Variants in WASHC4 observed in about 807,000 individuals in gnomAD.
The protein encoded by WASHC4 is WASH complex subunit 4.
Under a neutral mutation model 166.6 loss-of-function variants are expected in WASHC4, and 86 were observed. That is an observed-to-expected ratio of 0.52 (90% CI 0.43 to 0.62). The LOEUF (loss-of-function observed/expected upper bound fraction) is 0.62, where lower values mean the gene tolerates loss of function less well. WASHC4 is among the 20% of genes least tolerant of loss of function. The pLI is 0.00. For synonymous variants in WASHC4, 446 were observed against 451.6 expected (o/e 0.99, Z 0.16); for missense variants, 1,262 against 1,382.4 (o/e 0.91, Z 1.38).
chr12:105,112,374 T>C (rs1245933779), intron 2 of WASHC4, among the ~76,000 whole-genome samples: 1 of 152,194 alleles, frequency 6.6e-6, no homozygotes, highest in Admixed American at 6.5e-5. Context: ...TGTGTAGACA[T>C]ATATAAGTAT....
rs1218224151 is a variant in WASHC4 at position 105,168,728 on chromosome 12, C to G, written c.*1797C>G. ...TTTCCTTTAGGTCAAAATAATGTCACTGCTATCTGGATAAATTATAAGTTC... is the reference window on the plus strand; with the variant it reads ...TTTCCTTTAGGTCAAAATAATGTCAGTGCTATCTGGATAAATTATAAGTTC... On this transcript the variant is annotated 3_prime_UTR_variant, in exon 33 of 33. Transcript: ENST00000332180. 2 of 151,838 alleles carry G rather than the reference C, an allele frequency of 1.3e-5. No homozygotes were observed. Among genetic ancestry groups the G allele is most frequent in the Non-Finnish European group, 2.9e-5 (2 of 67,926 alleles). The allele number at this position is 151,838 out of a possible 1,614,324, so 9.4% of individuals were successfully genotyped here. A position where few individuals can be genotyped will look rare whatever the true frequency, so the allele number is the denominator to read the frequency against.
chr12:105,156,661 C>G, intron 26 of WASHC4, 65 bp from the exon 27 acceptor site: 2 of 1,324,548 alleles, frequency 1.5e-6, no homozygotes, highest in Admixed American at 1.7e-5. Flanking sequence ...CTGTATGTAA[C>G]TATATTCCTA....
intron 14 of WASHC4, among the ~76,000 whole-genome samples, chr12:105,134,674 A>G (rs1368014358): frequency 6.6e-6 from 1 of 151,902 alleles, no homozygotes; most frequent in Non-Finnish European, 1.5e-5. Context: ...TCTGCATGGT[A>G]TTATCTTTTT....
chr12:105,141,431 A>G (rs1160706869), intron 18 of WASHC4, among the ~76,000 whole-genome samples, 185 bp downstream of exon 18: 1 of 152,234 alleles, frequency 6.6e-6, no homozygotes, highest in Non-Finnish European at 1.5e-5. Flanking sequence ...CTTTGCTTCT[A>G]CAGGAAGCAT....
chr12:105,113,339 C>A (rs1372433436), intron 2 of WASHC4, among the ~76,000 whole-genome samples: 1 of 151,890 alleles, frequency 6.6e-6, no homozygotes, highest in South Asian at 2.1e-4. Flanking sequence ...ATTATAAAAT[C>A]TGTTTTTTTT....
Position 105,168,347 on chromosome 12 carries a change from G to A in WASHC4, c.*1416G>A, listed in dbSNP as rs1322544058. Reference sequence around the variant, plus strand: ...CTTACAGAATTATGAACAGTGGATAGATTAAAGGCATTTAATATTTGTAAT... The same window carrying A: ...CTTACAGAATTATGAACAGTGGATAAATTAAAGGCATTTAATATTTGTAAT... On this transcript the variant is annotated 3_prime_UTR_variant, in exon 33 of 33. Transcript: ENST00000332180. 1 of 152,448 alleles carries A rather than the reference G, an allele frequency of 6.6e-6. No homozygotes were observed. Among genetic ancestry groups the A allele is most frequent in the Non-Finnish European group, 1.5e-5 (1 of 67,930 alleles). The allele number at this position is 152,448 out of a possible 1,614,324, so 9.4% of individuals were successfully genotyped here.
At chr12:105,152,257 G>A (rs1017866159) in intron 25 of WASHC4, 86 bp from the exon 26 acceptor site, 22 of 725,148 alleles carry the variant, frequency 3.0e-5, no homozygotes, top group Non-Finnish European at 4.6e-5. Context: ...AAATTGAAAG[G>A]AGAGTAGTAT....
chr12:105,114,884 T>A (rs1592842605), intron 4 of WASHC4, among the ~76,000 whole-genome samples: 1 of 152,170 alleles, frequency 6.6e-6, no homozygotes, highest in East Asian at 1.9e-4. Flanking sequence ...CTTCTCCTGC[T>A]TTTTGATACC....
chr12:105,114,505 G>A, intron 4 of WASHC4, 78 bp downstream of exon 4: 1 of 906,746 alleles, frequency 1.1e-6, no homozygotes, highest in Non-Finnish European at 1.7e-6. Flanking sequence ...TGTACAGTGT[G>A]CAATAAATAT....
chr12:105,116,371 A>C (rs773952739), intron 6 of WASHC4, among the ~76,000 whole-genome samples: 18 of 152,162 alleles, frequency 1.2e-4, no homozygotes, highest in Non-Finnish European at 2.6e-4. Flanking sequence ...CAAATCTTTT[A>C]TATCTTTACT....
chr12:105,121,431 T>A (rs1342220660), intron 9 of WASHC4, among the ~76,000 whole-genome samples: 1 of 152,214 alleles, frequency 6.6e-6, no homozygotes, highest in Non-Finnish European at 1.5e-5. Context: ...CTAATTCTTA[T>A]AGTAGTAGAA....
At chr12:105,115,828 G>A in intron 6 of WASHC4, 100 bp downstream of exon 6, 1 of 778,986 alleles carries the variant, frequency 1.3e-6, no homozygotes, top group South Asian at 1.4e-5. Flanking sequence ...CTAAAGATGT[G>A]TACTCTGAGG....
chr12:105,155,460 A>G (rs1592914349), intron 26 of WASHC4, among the ~76,000 whole-genome samples: 1 of 146,744 alleles, frequency 6.8e-6, no homozygotes, highest in Admixed American at 6.9e-5. Flanking sequence ...AGGGCATGCT[A>G]TCTGAACAGT....
rs1486696399 is a variant in WASHC4 at position 105,168,382 on chromosome 12, C to T, written c.*1451C>T. 8 of 152,552 alleles carry T rather than the reference C, an allele frequency of 5.2e-5. No homozygotes were observed. In the East Asian group the frequency reaches 1.5e-3, roughly 29 times the overall value. 9.4% of individuals were successfully genotyped at this position (152,552 alleles called of 1,614,324 possible). A position where few individuals can be genotyped will look rare whatever the true frequency, so the allele number is the denominator to read the frequency against. On this transcript the variant is annotated 3_prime_UTR_variant, in exon 33 of 33. Coordinates refer to ENST00000332180, the MANE Select transcript of WASHC4 (RefSeq NM_015275.3). Reference sequence around the variant, plus strand: ...ATTTAATATTTGTAATTCATAATAACTGTAGAAATGGCCCTAAAGCATGCT... The same window carrying T: ...ATTTAATATTTGTAATTCATAATAATTGTAGAAATGGCCCTAAAGCATGCT...
rs549037837 is a variant in WASHC4, at chr12:105,116,980, T to C, written c.435+1252T>C. ...CTGGCTTCTTTTCCAGCAAGGTGTC[T>C]AAAAAATGTAGTTGGTAAGGTCCCA... On this transcript the variant is annotated intron_variant, in intron 6 of 32. Coordinates refer to ENST00000332180, the MANE Select transcript of WASHC4 (RefSeq NM_015275.3). Among the ~76,000 whole-genome samples the C allele has an allele frequency of 1.7e-3, 260 of 152,282 alleles. 3 individuals carry two copies. Among genetic ancestry groups the C allele is most frequent in the African/African-American group, 6.2e-3 (257 of 41,552 alleles).
intron 15 of WASHC4, among the ~76,000 whole-genome samples, chr12:105,139,124 CA>C (rs975782020): frequency 6.6e-6 from 1 of 151,816 alleles, no homozygotes; most frequent in African/African-American, 2.4e-5. Context: ...TTTTTTGATC[CA>C]TTTTTTTATT....
intron 30 of WASHC4, among the ~76,000 whole-genome samples, chr12:105,163,511 T>C (rs569473485): frequency 6.6e-6 from 1 of 152,132 alleles, no homozygotes; most frequent in East Asian, 1.9e-4. Flanking sequence ...GTTTTTTTCC[T>C]TTCTTTTTGA....
chr12:105,113,906 GAT>G (rs1434195226), intron 2 of WASHC4, among the ~76,000 whole-genome samples: 2 of 151,954 alleles, frequency 1.3e-5, no homozygotes, highest in Non-Finnish European at 2.9e-5. Context: ...TTTTCCCCAT[GAT>G]CATAACTAAT....
At chr12:105,135,095 T>C (rs1036639709) in intron 14 of WASHC4, among the ~76,000 whole-genome samples, 1 of 152,028 alleles carries the variant, frequency 6.6e-6, no homozygotes, top group Non-Finnish European at 1.5e-5. Flanking sequence ...TTTAGTTCTA[T>C]TTATCTCCCT....
Sources: gnomAD v4.1 joint callset for allele counts (sites outside exome capture counted in the v4.1 genomes callset) on GRCh38, gnomAD v4.1.1 for gene constraint, MANE v1.5 for transcripts, NCBI Gene and HGNC (gene_info 2026-07-23, HGNC 2026-07-21) for gene names.